Variants in RAPGEF6 observed in about 807,000 individuals in gnomAD.
RAPGEF6 encodes the protein PDZ domain containing guanine nucleotide exchange factor (GEF) 2.
Under a neutral mutation model 171.4 loss-of-function variants are expected in RAPGEF6, and 56 were observed. The ratio of observed to expected loss-of-function variants is 0.33; its 90% CI spans 0.26 to 0.41. RAPGEF6 has a LOEUF of 0.41. Among genes scored for constraint, RAPGEF6 ranks in the 10% least tolerant of loss-of-function variants. The pLI is 1.00. For missense variants in RAPGEF6, 1,674 were observed against 1,921.4 expected (o/e 0.87, Z 2.41); for synonymous variants, 692 against 650.1 (o/e 1.06, Z -0.98).
rs773847446 is a variant in RAPGEF6 at position 131,479,696 on chromosome 5, G to C, written c.1898C>G (p.Pro633Arg). 2 of 1,613,528 alleles carry C rather than the reference G, an allele frequency of 1.2e-6. No individual in the cohort carries two copies. The highest frequency in any genetic ancestry group is 2.7e-5 in the African/African-American group (2 of 74,780). Reference sequence around the variant, plus strand: ...ATTACTTTTTTTTTCAGCAATTTTGGGAATATGAGGAACACCAGATTTCTC... The same window carrying C: ...ATTACTTTTTTTTTCAGCAATTTTGCGAATATGAGGAACACCAGATTTCTC... The part of the protein sequence containing the change: ...EQEKSGVPHI[P>R]KIAEKKSNRH... The change falls in exon 16 of 28, where the codon CCC becomes CGC. Residue 633 changes from proline to arginine, a missense_variant. Pro to Arg is a moderately radical substitution (Grantham distance 103). This residue lies in a region of RAPGEF6 where 1,116 missense variants were observed against 1,321.5 expected (regional missense o/e 0.84). Transcript: ENST00000509018.
chr5:131,517,359 T>G (rs1379317960), intron 7 of RAPGEF6, among the ~76,000 whole-genome samples: 3 of 151,782 alleles, frequency 2.0e-5, no homozygotes, highest in Non-Finnish European at 4.4e-5. Context: ...AATTAATCTA[T>G]ATATAGTCTT....
chr5:131,628,381 A>C (rs1046606231), intron 1 of RAPGEF6, among the ~76,000 whole-genome samples: 8 of 152,230 alleles, frequency 5.3e-5, no homozygotes, highest in Admixed American at 4.6e-4. Flanking sequence ...CCCTTAAGCC[A>C]AAACCTAATC....
At position 131,635,226 on chromosome 5, in the gene RAPGEF6, G is replaced by A. The variant is rs928084081; in HGVS notation, c.-196C>T. On this transcript the variant is annotated 5_prime_UTR_variant, in exon 1 of 28. Coordinates refer to ENST00000509018, the MANE Select transcript of RAPGEF6 (RefSeq NM_016340.6). ...CCCACGCGCGACTGGCCGGAGACAA[G>A]TCTGCGCGGGGGCGGGGGAGAGTAA... 5 of 560,980 alleles carry A rather than the reference G, an allele frequency of 8.9e-6. No homozygotes were observed. Among genetic ancestry groups the A allele is most frequent in the Admixed American group, 3.4e-5 (1 of 29,842 alleles). 34.8% of individuals were successfully genotyped at this position (560,980 alleles called of 1,614,324 possible). A position where few individuals can be genotyped will look rare whatever the true frequency, so the allele number is the denominator to read the frequency against.
chr5:131,588,088 G>C (rs1763367301), intron 4 of RAPGEF6, among the ~76,000 whole-genome samples: 1 of 150,890 alleles, frequency 6.6e-6, no homozygotes, highest in Non-Finnish European at 1.5e-5. Flanking sequence ...TTTTCTCTTT[G>C]ACTTAGTGAT....
At chr5:131,445,603 G>C (rs189424949) in intron 22 of RAPGEF6, among the ~76,000 whole-genome samples, 245 of 152,092 alleles carry the variant, frequency 1.6e-3, no homozygotes, top group Admixed American at 3.5e-3. Context: ...ATTTTTGAGA[G>C]ACTGAGTCTC....
chr5:131,536,503 A>G (rs1759784615), intron 6 of RAPGEF6, among the ~76,000 whole-genome samples: 1 of 152,148 alleles, frequency 6.6e-6, no homozygotes, highest in Non-Finnish European at 1.5e-5. Flanking sequence ...ATACTGTCAT[A>G]TATATCCACT....
intron 15 of RAPGEF6, 139 bp from the exon 16 acceptor site, chr5:131,479,892 T>C: frequency 2.4e-6 from 2 of 837,224 alleles, no homozygotes; most frequent in Non-Finnish European, 3.6e-6. Context: ...CACTGTCAAG[T>C]ATTTACCCGT....
At chr5:131,608,377 T>G (rs1764733008) in intron 1 of RAPGEF6, among the ~76,000 whole-genome samples, 1 of 152,228 alleles carries the variant, frequency 6.6e-6, no homozygotes, top group Non-Finnish European at 1.5e-5. Context: ...AAGACTACTT[T>G]ACAAATAGGT....
At chr5:131,535,314 C>T (rs760093788) in intron 6 of RAPGEF6, among the ~76,000 whole-genome samples, 3 of 152,080 alleles carry the variant, frequency 2.0e-5, no homozygotes, top group Non-Finnish European at 4.4e-5. Context: ...AATGACTTCA[C>T]CTTTTAACTA....
In RAPGEF6 at chr5:131,535,250, A is replaced by C. The variant is rs1347108128; in HGVS notation, c.495+12797T>G. ...CCCTGTGTAACAATACTAAGAAAAG[A>C]AACAGGCCAAATTCCATACTCAACA... is the stretch of plus-strand genomic sequence containing the variant. On this transcript the variant is annotated intron_variant, in intron 6 of 27. Coordinates refer to ENST00000509018, the MANE Select transcript of RAPGEF6 (RefSeq NM_016340.6). 2.0e-5 allele frequency among the ~76,000 whole-genome samples: 3 copies of C among 152,302 alleles called. No homozygotes were observed. In the East Asian group the frequency reaches 5.8e-4, roughly 29 times the overall value.
chr5:131,528,844 A>G (rs764433276), intron 6 of RAPGEF6, among the ~76,000 whole-genome samples: 31 of 152,150 alleles, frequency 2.0e-4, no homozygotes, highest in Non-Finnish European at 3.8e-4. Flanking sequence ...TGGACTTTGA[A>G]GAAAGTCTGT....
At position 131,431,209 on chromosome 5, in the gene RAPGEF6, G is replaced by T; in HGVS notation, c.4115C>A (p.Ser1372Tyr). ...TGGAAGGCTTTGGAAGTTGTCATGGGAGCTGCTTGAACACGAAGTCCAACT... is the reference window on the plus strand; with the variant it reads ...TGGAAGGCTTTGGAAGTTGTCATGGTAGCTGCTTGAACACGAAGTCCAACT... ...RGSWTSCSSS[S>Y]HDNFQSLPNP... Residue 1372 changes from serine to tyrosine, a missense_variant, in exon 26 of 28, where the codon TCC becomes TAC. Coordinates refer to ENST00000509018, the MANE Select transcript of RAPGEF6 (RefSeq NM_016340.6). 6.2e-7 allele frequency: 1 copy of T among 1,614,176 alleles called. No homozygotes were observed. The highest frequency in any genetic ancestry group is 1.1e-5 in the South Asian group (1 of 91,084).
chr5:131,634,867 ACT>A, intron 1 of RAPGEF6, 93 bp downstream of exon 1: 9 of 1,385,998 alleles, frequency 6.5e-6, no homozygotes, highest in South Asian at 1.2e-5. Context: ...CAGGTGCGAG[ACT>A]CTGGCAAGAG....
At chr5:131,474,328 G>A (rs979608683) in intron 16 of RAPGEF6, among the ~76,000 whole-genome samples, 2 of 152,006 alleles carry the variant, frequency 1.3e-5, no homozygotes, top group African/African-American at 4.8e-5. Context: ...GCCAGAAGTC[G>A]GGTGGCTCGT....
chr5:131,493,159 G>A (rs988887560), intron 13 of RAPGEF6, among the ~76,000 whole-genome samples: 3 of 152,028 alleles, frequency 2.0e-5, no homozygotes, highest in Non-Finnish European at 4.4e-5. Flanking sequence ...CCACCTCCCG[G>A]GTTCATGCCA....
At position 131,483,146 on chromosome 5, in the gene RAPGEF6, C is replaced by T. The variant is rs183361668; in HGVS notation, c.1841-3393G>A. ...GGTGGATCACCTGAGGTCAGGAGTT[C>T]GGGACCAGCTTGGCCAAAATGGTGA... On this transcript the variant is annotated intron_variant, in intron 15 of 27. Coordinates refer to ENST00000509018, the MANE Select transcript of RAPGEF6 (RefSeq NM_016340.6). Among the ~76,000 whole-genome samples, 885 of 151,820 alleles carry T rather than the reference C, an allele frequency of 5.8e-3. 4 individuals carry two copies. Among genetic ancestry groups the T allele is most frequent in the Middle Eastern group, 0.01 (3 of 294 alleles).
chr5:131,462,262 T>C (rs769917467), intron 18 of RAPGEF6, among the ~76,000 whole-genome samples, 174 bp from the exon 19 acceptor site: 2 of 152,192 alleles, frequency 1.3e-5, no homozygotes, highest in Non-Finnish European at 2.9e-5. Flanking sequence ...TTTTGAGAAG[T>C]CTGTCTCTTA....
intron 1 of RAPGEF6, among the ~76,000 whole-genome samples, chr5:131,607,064 C>T (rs1764645505): frequency 6.6e-6 from 1 of 152,172 alleles, no homozygotes; most frequent in Non-Finnish European, 1.5e-5. Flanking sequence ...CCCACTCCCT[C>T]AGTTTATAAT....
chr5:131,544,986 CTG>C (rs1444765867), intron 6 of RAPGEF6, among the ~76,000 whole-genome samples: 2 of 152,140 alleles, frequency 1.3e-5, no homozygotes, highest in African/African-American at 4.8e-5. Context: ...CTGGCCCAAA[CTG>C]TGCACTTTAA....
Sources: allele counts gnomAD v4.1 joint callset (sites outside exome capture counted in the v4.1 genomes callset), GRCh38; gene constraint gnomAD v4.1.1; regional missense constraint gnomAD v4.1.1; transcripts MANE v1.5; gene names NCBI Gene and HGNC (gene_info 2026-07-23, HGNC 2026-07-21).